ZBTB20: variants seen among roughly 807,000 people sequenced by gnomAD.
ZBTB20 encodes the protein zinc finger and BTB domain containing 20, also known as zinc finger and BTB domain-containing protein 20.
In ZBTB20, 9 loss-of-function variants were observed where a neutral mutation model predicts 56.9. That is an observed-to-expected ratio of 0.16 (90% CI 0.10 to 0.28). ZBTB20 has a LOEUF of 0.28. Among genes scored for constraint, ZBTB20 ranks in the 10% least tolerant of loss-of-function variants. The probability of loss-of-function intolerance (pLI) is 1.00; values close to 1 mark genes in which losing one functional copy is unlikely to be tolerated. For synonymous variants in ZBTB20, 417 were observed against 420.7 expected, an observed-to-expected ratio of 0.99 and a Z score of 0.11; for missense variants, 655 against 1,003.0, an observed-to-expected ratio of 0.65 and a Z score of 4.69.
At chr3:114,378,097 T>TAA (rs534758211) in intron 10 of ZBTB20, among the ~76,000 whole-genome samples, 1 of 142,536 alleles carries the variant, frequency 7.0e-6, no homozygotes, top group African/African-American at 2.6e-5. Context: ...CATTTGAAAG[T>TAA]AAAAAAAAAA....
chr3:114,523,102 A>T (rs2046821965), intron 6 of ZBTB20, among the ~76,000 whole-genome samples: 1 of 152,044 alleles, frequency 6.6e-6, no homozygotes, highest in Admixed American at 6.6e-5. Context: ...ACTGAGGAGG[A>T]GTAGACTGTG....
At chr3:114,664,003 G>T (rs956341550) in intron 6 of ZBTB20, among the ~76,000 whole-genome samples, 2 of 152,020 alleles carry the variant, frequency 1.3e-5, no homozygotes, top group African/African-American at 4.8e-5. Context: ...TGCTTCTTAA[G>T]TAGATGTCAT....
At chr3:114,697,286 G>A (rs924904495) in intron 5 of ZBTB20, among the ~76,000 whole-genome samples, 1 of 151,912 alleles carries the variant, frequency 6.6e-6, no homozygotes, top group Non-Finnish European at 1.5e-5. Context: ...TACTTTAAAT[G>A]TTGTTGGTTT....
Position 114,865,526 on chromosome 3 carries a change from C to T in ZBTB20, c.-417+34778G>A, listed in dbSNP as rs546203617. ...CTTATAATGGATTCCTTCTTGGCTT[C>T]CTTCCACCTCCTATACATGGATTTG... On this transcript the variant is annotated intron_variant, in intron 4 of 11. Coordinates refer to ENST00000675478, the MANE Select transcript of ZBTB20 (RefSeq NM_001348800.3). Among the ~76,000 whole-genome samples, 6 of 152,208 alleles carry T rather than the reference C, an allele frequency of 3.9e-5. No homozygotes were observed. The South Asian group carries it at 1.2e-3, about 32-fold the overall frequency.
intron 11 of ZBTB20, among the ~76,000 whole-genome samples, chr3:114,344,793 T>C (rs1207758885): frequency 6.6e-6 from 1 of 152,196 alleles, no homozygotes; most frequent in Non-Finnish European, 1.5e-5. Context: ...ATCACCAACA[T>C]TGTTATGCTA....
chr3:114,550,104 A>T (rs1254344444), intron 6 of ZBTB20, among the ~76,000 whole-genome samples: 3 of 151,602 alleles, frequency 2.0e-5, no homozygotes, highest in Non-Finnish European at 4.4e-5. Flanking sequence ...TGCCTAGCTA[A>T]TTTTTTTGTA....
chr3:114,544,406 C>CTTCTTTCTTTCTT (rs2049480488), intron 6 of ZBTB20, among the ~76,000 whole-genome samples: 3 of 121,366 alleles, frequency 2.5e-5, no homozygotes, highest in African/African-American at 9.2e-5. Context: ...AACTAGATTT[C>CTTCTTTCTTTCTT]TTCTTTCTTT....
intron 6 of ZBTB20, among the ~76,000 whole-genome samples, chr3:114,508,009 A>C (rs1385268802): frequency 6.6e-6 from 1 of 152,166 alleles, no homozygotes; most frequent in African/African-American, 2.4e-5. Context: ...ACAGTCTAAC[A>C]ATTAATTCTT....
intron 6 of ZBTB20, among the ~76,000 whole-genome samples, chr3:114,654,075 T>C (rs577301077): frequency 6.6e-6 from 1 of 151,894 alleles, no homozygotes; most frequent in Non-Finnish European, 1.5e-5. Flanking sequence ...CTTTCATTAA[T>C]CTTCTTTGTA....
chr3:114,697,415 A>G (rs1187560207), intron 5 of ZBTB20, among the ~76,000 whole-genome samples: 1 of 152,050 alleles, frequency 6.6e-6, no homozygotes, highest in Admixed American at 6.6e-5. Flanking sequence ...TAAGGTGCTG[A>G]CAATTATGGG....
intron 6 of ZBTB20, among the ~76,000 whole-genome samples, chr3:114,570,721 A>T (rs1171436493): frequency 6.6e-6 from 1 of 152,298 alleles, no homozygotes; most frequent in South Asian, 2.1e-4. Flanking sequence ...CTTCCTTCAC[A>T]TTCATTCATT....
chr3:114,863,076 G>A (rs569159816), intron 4 of ZBTB20, among the ~76,000 whole-genome samples: 29 of 152,208 alleles, frequency 1.9e-4, no homozygotes, highest in African/African-American at 6.7e-4. Context: ...ATGAACCAGT[G>A]ACTTCTGTTT....
At chr3:115,046,774 C>G (rs900249864) in intron 2 of ZBTB20, among the ~76,000 whole-genome samples, 1 of 152,158 alleles carries the variant, frequency 6.6e-6, no homozygotes, top group African/African-American at 2.4e-5. Context: ...GTTCTCCATA[C>G]CGTCACAATG....
chr3:114,636,064 A>G (rs900704309), intron 6 of ZBTB20, among the ~76,000 whole-genome samples: 5 of 152,164 alleles, frequency 3.3e-5, no homozygotes, highest in African/African-American at 9.6e-5. Context: ...AGGAGTCCCC[A>G]TAAGACTGTC....
chr3:114,616,708 C>T (rs766462359), intron 6 of ZBTB20, among the ~76,000 whole-genome samples: 1 of 152,190 alleles, frequency 6.6e-6, no homozygotes, highest in Non-Finnish European at 1.5e-5. Flanking sequence ...AAGTCTGTCC[C>T]TGACATCTCC....
At chr3:115,053,577 T>C (rs2081635201) in intron 2 of ZBTB20, among the ~76,000 whole-genome samples, 1 of 152,184 alleles carries the variant, frequency 6.6e-6, no homozygotes, top group Non-Finnish European at 1.5e-5. Flanking sequence ...TTTAAATGAA[T>C]GCATATGGTT....
intron 6 of ZBTB20, among the ~76,000 whole-genome samples, chr3:114,610,646 T>C (rs1222432056): frequency 6.6e-6 from 1 of 152,090 alleles, no homozygotes; most frequent in Non-Finnish European, 1.5e-5. Flanking sequence ...GAACTCAAGA[T>C]AGAAAACTCA....
At chr3:115,076,271 A>G (rs1327611263) in intron 1 of ZBTB20, among the ~76,000 whole-genome samples, 4 of 152,238 alleles carry the variant, frequency 2.6e-5, no homozygotes, top group Admixed American at 1.3e-4. Flanking sequence ...AAAGAAAAAC[A>G]AAGATTGAGG....
At chr3:115,143,336 A>C (rs2084872278) in intron 1 of ZBTB20, among the ~76,000 whole-genome samples, 2 of 152,180 alleles carry the variant, frequency 1.3e-5, no homozygotes, top group African/African-American at 4.8e-5. Context: ...GTCGCCTATA[A>C]ACTAATTACA....
Sources: allele counts gnomAD v4.1 joint callset (sites outside exome capture counted in the v4.1 genomes callset), GRCh38; gene constraint gnomAD v4.1.1; transcripts MANE v1.5; gene names NCBI Gene and HGNC (gene_info 2026-07-23, HGNC 2026-07-21).